GAREM1: variants seen among roughly 807,000 people sequenced by gnomAD.
GAREM1 encodes the protein GRB2-associated and regulator of MAPK protein 1.
In GAREM1, 26 loss-of-function variants were observed where a neutral mutation model predicts 71.3. The ratio of observed to expected loss-of-function variants is 0.36; its 90% CI spans 0.27 to 0.51. The LOEUF (loss-of-function observed/expected upper bound fraction) is 0.51, where lower values mean the gene tolerates loss of function less well. GAREM1 is among the 20% of genes least tolerant of loss of function. GAREM1 has a pLI of 0.95. For synonymous variants in GAREM1, 440 were observed against 433.2 expected (o/e 1.02, Z -0.20); for missense variants, 1,026 against 1,103.1 (o/e 0.93, Z 0.99).
At chr18:32,431,036 T>C (rs560826466) in intron 1 of GAREM1, among the ~76,000 whole-genome samples, 1 of 152,184 alleles carries the variant, frequency 6.6e-6, no homozygotes, top group Non-Finnish European at 1.5e-5. Context: ...AAGCTTTGCA[T>C]GCCTGGATCT....
At chr18:32,375,441 C>T (rs2048022644) in intron 2 of GAREM1, among the ~76,000 whole-genome samples, 2 of 151,436 alleles carry the variant, frequency 1.3e-5, no homozygotes, top group Middle Eastern at 3.3e-3. Flanking sequence ...GGATGACCTT[C>T]ATACCTTATT....
chr18:32,295,208 G>C (rs1464107218), intron 3 of GAREM1, among the ~76,000 whole-genome samples: 1 of 151,972 alleles, frequency 6.6e-6, no homozygotes, highest in Non-Finnish European at 1.5e-5. Flanking sequence ...GTGATTACAG[G>C]AGTGAGCCAC....
At chr18:32,313,059 A>G (rs1046589222) in intron 2 of GAREM1, among the ~76,000 whole-genome samples, 10 of 152,164 alleles carry the variant, frequency 6.6e-5, no homozygotes, top group African/African-American at 2.4e-4. Flanking sequence ...TAAAAGTAAA[A>G]CCACAGAGTA....
rs763856655 is a variant in GAREM1, at chr18:32,268,385, G to A, written c.2117C>T (p.Thr706Ile). The change falls in exon 6 of 6, where the codon ACA (threonine) becomes ATA (isoleucine). Residue 706 changes from threonine to isoleucine, a missense_variant. This residue lies in a region of GAREM1 where 636 missense variants were observed against 631.2 expected (regional missense o/e 1.01). Coordinates refer to ENST00000269209, the MANE Select transcript of GAREM1 (RefSeq NM_001242409.2). ...PKSASYSLES[T>I]DVKSLAAGVT... Reference sequence around the variant, plus strand: ...ACCAGCTGCAAGAGATTTCACATCTGTGCTCTCCAGAGAGTAGCTGGCTGA... The same window carrying A: ...ACCAGCTGCAAGAGATTTCACATCTATGCTCTCCAGAGAGTAGCTGGCTGA... 5 of 1,614,060 alleles carry A rather than the reference G, an allele frequency of 3.1e-6. No homozygotes were observed. The African/African-American group carries it at 5.3e-5, about 17-fold the overall frequency.
At chr18:32,450,088 A>G (rs1360762507) in intron 1 of GAREM1, among the ~76,000 whole-genome samples, 1 of 152,256 alleles carries the variant, frequency 6.6e-6, no homozygotes, top group Non-Finnish European at 1.5e-5. Flanking sequence ...ATATTATTAC[A>G]GTAAGGTTAA....
chr18:32,323,526 G>C (rs1416721644), intron 2 of GAREM1, among the ~76,000 whole-genome samples: 3 of 152,170 alleles, frequency 2.0e-5, no homozygotes, highest in Non-Finnish European at 2.9e-5. Context: ...AGGAGTTCGA[G>C]ACCAGCCTGG....
intron 1 of GAREM1, among the ~76,000 whole-genome samples, chr18:32,438,404 G>A (rs1361003638): frequency 6.6e-6 from 1 of 152,186 alleles, no homozygotes; most frequent in Non-Finnish European, 1.5e-5. Context: ...TGTGATGACA[G>A]CTAGCGCTCC....
intron 1 of GAREM1, among the ~76,000 whole-genome samples, chr18:32,454,113 T>C (rs2048866772): frequency 6.6e-6 from 1 of 152,164 alleles, no homozygotes; most frequent in Non-Finnish European, 1.5e-5. Context: ...ACTTTCTCCA[T>C]TAGGGATGGA....
intron 2 of GAREM1, among the ~76,000 whole-genome samples, chr18:32,349,881 T>C (rs1049841634): frequency 2.6e-5 from 4 of 152,180 alleles, no homozygotes; most frequent in African/African-American, 9.7e-5. Flanking sequence ...CAGTGAGCTC[T>C]AAAAGGACAT....
intron 4 of GAREM1, among the ~76,000 whole-genome samples, chr18:32,272,484 G>A (rs1325659373): frequency 1.3e-5 from 2 of 152,142 alleles, no homozygotes; most frequent in Non-Finnish European, 2.9e-5. Context: ...CACAATAGAC[G>A]CAGGCTTTCC....
chr18:32,364,021 TATATA>T lies in GAREM1; in HGVS notation c.262+28869_262+28873del, dbSNP rs1184337960. Among the ~76,000 whole-genome samples, 27 of 71,856 alleles carry T rather than the reference TATATA, an allele frequency of 3.8e-4. No homozygotes were observed. In the East Asian group the frequency reaches 7.2e-3, roughly 19 times the overall value. 47.1% of individuals were successfully genotyped at this position (71,856 alleles called of 152,430 possible). On this transcript the variant is annotated intron_variant, in intron 2 of 5. Transcript: ENST00000269209. ...ATATATATATATATATATATATATA[TATATA>T]TGTTTTTTTTTTTTTTTTTTTTTTG...
chr18:32,297,913 T>C (rs767575120), intron 3 of GAREM1, among the ~76,000 whole-genome samples: 2 of 152,204 alleles, frequency 1.3e-5, no homozygotes, highest in African/African-American at 2.4e-5. Context: ...ATTTACTATA[T>C]TTTTCCTAAT....
intron 2 of GAREM1, among the ~76,000 whole-genome samples, chr18:32,311,799 T>C (rs2047327238): frequency 6.6e-6 from 1 of 152,234 alleles, no homozygotes; most frequent in Non-Finnish European, 1.5e-5. Flanking sequence ...TTTAAGGAGT[T>C]GCACTCTTCA....
At chr18:32,410,244 T>G (rs2048403391) in intron 1 of GAREM1, among the ~76,000 whole-genome samples, 1 of 152,202 alleles carries the variant, frequency 6.6e-6, no homozygotes, top group Non-Finnish European at 1.5e-5. Flanking sequence ...GTAACTTAAA[T>G]GTATTTATTA....
At chr18:32,454,173 G>A (rs1415170568) in intron 1 of GAREM1, among the ~76,000 whole-genome samples, 1 of 151,994 alleles carries the variant, frequency 6.6e-6, no homozygotes, top group East Asian at 1.9e-4. Flanking sequence ...CTCCCACCCT[G>A]TATTGGGACA....
intron 2 of GAREM1, among the ~76,000 whole-genome samples, chr18:32,334,645 G>T (rs2047571486): frequency 6.6e-6 from 1 of 152,178 alleles, no homozygotes. Context: ...TCCTGACACG[G>T]CATAACCTAT....
intron 1 of GAREM1, among the ~76,000 whole-genome samples, chr18:32,448,984 ACT>A (rs1261385671): frequency 1.3e-5 from 2 of 152,034 alleles, no homozygotes; most frequent in African/African-American, 4.8e-5. Context: ...TGGACAGAAG[ACT>A]CTCTCATTTT....
At chr18:32,334,991 G>A (rs1051394548) in intron 2 of GAREM1, among the ~76,000 whole-genome samples, 3 of 152,074 alleles carry the variant, frequency 2.0e-5, no homozygotes, top group Admixed American at 6.5e-5. Context: ...CGCTCTTTCC[G>A]CCCACTCCTT....
At chr18:32,435,528 T>C (rs565694016) in intron 1 of GAREM1, among the ~76,000 whole-genome samples, 25 of 152,234 alleles carry the variant, frequency 1.6e-4, no homozygotes, top group South Asian at 1.0e-3. Flanking sequence ...CAGAACATCA[T>C]TGGTAGATTT....
Sources: gnomAD v4.1 joint callset for allele counts (sites outside exome capture counted in the v4.1 genomes callset) on GRCh38, gnomAD v4.1.1 for gene constraint, gnomAD v4.1.1 regional missense constraint, MANE v1.5 for transcripts, NCBI Gene and HGNC (gene_info 2026-07-23, HGNC 2026-07-21) for gene names.